Variants in SNTG1 observed in about 807,000 individuals in gnomAD.
SNTG1 encodes gamma-1-syntrophin.
SNTG1 carries 39 observed loss-of-function variants against 74.7 expected under a neutral mutation model. The observed-to-expected ratio is 0.52, with a 90% CI of 0.40 to 0.68. The LOEUF (loss-of-function observed/expected upper bound fraction) is 0.68, where lower values mean the gene tolerates loss of function less well. Among genes scored for constraint, SNTG1 ranks in the 30% least tolerant of loss-of-function variants. The probability of loss-of-function intolerance (pLI) is 0.00; values close to 1 mark genes in which losing one functional copy is unlikely to be tolerated. For synonymous variants in SNTG1, 254 were observed against 217.1 expected (o/e 1.17, Z -1.49); for missense variants, 685 against 609.5 (o/e 1.12, Z -1.30).
chr8:50,148,054 C>T (rs937927716), intron 1 of SNTG1, among the ~76,000 whole-genome samples: 1 of 152,092 alleles, frequency 6.6e-6, no homozygotes. Context: ...AAAGAACTCA[C>T]AACAGCCAAA....
chr8:50,682,436 C>T lies in SNTG1; in HGVS notation c.1039-22164C>T, dbSNP rs554026580. ...AGGTCAAAGCAGGTGACCAGGGGAA[C>T]AGATGTGAACTACTGATTAGAGCTG... On this transcript the variant is annotated intron_variant, in intron 15 of 18. Coordinates refer to ENST00000642720, the MANE Select transcript of SNTG1 (RefSeq NM_018967.5). Among the ~76,000 whole-genome samples the T allele has an allele frequency of 3.0e-3, 454 of 152,080 alleles. 3 individuals carry two copies. Among genetic ancestry groups the T allele is most frequent in the African/African-American group, 0.011 (439 of 41,498 alleles).
chr8:50,032,943 C>T (rs1349289727), intron 1 of SNTG1, among the ~76,000 whole-genome samples: 2 of 152,018 alleles, frequency 1.3e-5, no homozygotes, highest in South Asian at 2.1e-4. Flanking sequence ...TTTGTCCATT[C>T]TTCTTTAGAT....
chr8:49,961,398 T>C (rs1810671574), intron 1 of SNTG1, among the ~76,000 whole-genome samples: 1 of 152,184 alleles, frequency 6.6e-6, no homozygotes. Context: ...AAAGAATAAT[T>C]GGTGCTTTCT....
At chr8:50,027,531 G>C (rs559761124) in intron 1 of SNTG1, among the ~76,000 whole-genome samples, 1 of 152,216 alleles carries the variant, frequency 6.6e-6, no homozygotes, top group Non-Finnish European at 1.5e-5. Context: ...TACAGAGGAA[G>C]GGTGCCATAT....
At chr8:50,232,584 A>C (rs1268746285) in intron 2 of SNTG1, among the ~76,000 whole-genome samples, 4 of 151,440 alleles carry the variant, frequency 2.6e-5, no homozygotes, top group Non-Finnish European at 5.9e-5. Flanking sequence ...GACATTTTTA[A>C]ACAGTGCGAG....
chr8:50,629,423 G>T (rs2094980526), intron 13 of SNTG1, among the ~76,000 whole-genome samples: 1 of 151,996 alleles, frequency 6.6e-6, no homozygotes, highest in South Asian at 2.1e-4. Flanking sequence ...AATCTATAGA[G>T]AAAGAGATAA....
chr8:49,926,453 T>A (rs1807038508), intron 1 of SNTG1, among the ~76,000 whole-genome samples: 1 of 152,102 alleles, frequency 6.6e-6, no homozygotes, highest in African/African-American at 2.4e-5. Flanking sequence ...TGATGTTATA[T>A]CAATACAATT....
chr8:50,528,191 G>T (rs2094237752), intron 9 of SNTG1, among the ~76,000 whole-genome samples: 1 of 151,860 alleles, frequency 6.6e-6, no homozygotes, highest in Non-Finnish European at 1.5e-5. Flanking sequence ...ACGTGTTAAG[G>T]GTAGACATCC....
At chr8:50,094,996 T>C (rs1412788945) in intron 1 of SNTG1, among the ~76,000 whole-genome samples, 1 of 152,202 alleles carries the variant, frequency 6.6e-6, no homozygotes, top group African/African-American at 2.4e-5. Flanking sequence ...AAGAAAATCT[T>C]GTCCTTTGCA....
intron 2 of SNTG1, among the ~76,000 whole-genome samples, chr8:50,365,800 T>C (rs2131105343): frequency 6.6e-6 from 1 of 152,186 alleles, no homozygotes; most frequent in East Asian, 1.9e-4. Context: ...AAGACAATTG[T>C]TCTTGCTTAT....
At chr8:50,662,613 T>G (rs2095230037) in intron 15 of SNTG1, among the ~76,000 whole-genome samples, 1 of 152,232 alleles carries the variant, frequency 6.6e-6, no homozygotes, top group Admixed American at 6.5e-5. Flanking sequence ...TTGCACATGA[T>G]ACTACACTGT....
intron 8 of SNTG1, among the ~76,000 whole-genome samples, chr8:50,454,402 C>A (rs2093484305): frequency 6.6e-6 from 1 of 152,074 alleles, no homozygotes; most frequent in Admixed American, 6.5e-5. Flanking sequence ...GAGGCTGAGG[C>A]AGGAGAATTG....
intron 1 of SNTG1, among the ~76,000 whole-genome samples, chr8:50,047,411 T>A (rs1215280774): frequency 6.6e-6 from 1 of 152,100 alleles, no homozygotes; most frequent in Non-Finnish European, 1.5e-5. Context: ...CTACTTAACA[T>A]TTATAAACTT....
In SNTG1 at chr8:50,530,273, G is replaced by T; in HGVS notation, c.549+14G>T. The T allele has an allele frequency of 6.2e-7, 1 of 1,611,818 alleles. No individual in the cohort carries two copies. The highest frequency in any genetic ancestry group is 1.1e-5 in the South Asian group (1 of 91,026). ...CCCAACAATACAGTAAGATGACCCA[G>T]GCATAGCTCAGATTAATAAGGAGAT... On this transcript the variant is annotated intron_variant, in intron 10 of 18. Coordinates refer to ENST00000642720, the MANE Select transcript of SNTG1 (RefSeq NM_018967.5).
intron 9 of SNTG1, 33 bp from the exon 10 acceptor site, chr8:50,530,144 A>T: frequency 6.3e-7 from 1 of 1,580,964 alleles, no homozygotes; most frequent in Non-Finnish European, 8.7e-7. Context: ...TGGCATTCTC[A>T]CCAGTGGAAT....
At chr8:50,311,160 A>G (rs1005200129) in intron 2 of SNTG1, among the ~76,000 whole-genome samples, 2 of 152,214 alleles carry the variant, frequency 1.3e-5, no homozygotes. Context: ...TTCATTTTAT[A>G]CTTGGCTATC....
intron 1 of SNTG1, among the ~76,000 whole-genome samples, chr8:50,049,859 A>T (rs1280181012): frequency 6.6e-6 from 1 of 152,118 alleles, no homozygotes; most frequent in Non-Finnish European, 1.5e-5. Flanking sequence ...TAACACATGG[A>T]TCAAAGGAGA....
intron 18 of SNTG1, among the ~76,000 whole-genome samples, chr8:50,766,023 A>T (rs1208611226): frequency 6.6e-6 from 1 of 151,964 alleles, no homozygotes; most frequent in Non-Finnish European, 1.5e-5. Flanking sequence ...GTTAAATATA[A>T]AATACCTGTA....
intron 13 of SNTG1, among the ~76,000 whole-genome samples, chr8:50,629,504 T>A (rs2094981123): frequency 6.6e-6 from 1 of 152,000 alleles, no homozygotes; most frequent in African/African-American, 2.4e-5. Flanking sequence ...ATCCTTACTG[T>A]CCATACTCAG....
Sources: allele counts gnomAD v4.1 joint callset (sites outside exome capture counted in the v4.1 genomes callset), GRCh38; gene constraint gnomAD v4.1.1; transcripts MANE v1.5; gene names NCBI Gene and HGNC (gene_info 2026-07-23, HGNC 2026-07-21).